TRPM3: variants seen among roughly 807,000 people sequenced by gnomAD.
TRPM3 encodes the protein transient receptor potential cation channel subfamily M member 3.
A neutral mutation model predicts 181.2 loss-of-function variants in TRPM3; 77 were observed. The ratio of observed to expected loss-of-function variants is 0.42; its 90% CI spans 0.35 to 0.51. The LOEUF is 0.51. Ranked by LOEUF, TRPM3 falls within the 20% of genes least tolerant of loss-of-function variation. TRPM3 has a pLI of 0.01. For synonymous variants in TRPM3, 745 were observed against 796.4 expected, an observed-to-expected ratio of 0.94 and a Z score of 1.09; for missense variants, 1,759 against 2,196.7, an observed-to-expected ratio of 0.80 and a Z score of 3.98.
At chr9:70,845,237 A>T (rs988487169) in intron 4 of TRPM3, among the ~76,000 whole-genome samples, 2 of 152,090 alleles carry the variant, frequency 1.3e-5, no homozygotes, top group Non-Finnish European at 2.9e-5. Context: ...CATTAAGATA[A>T]CGTGTTATTT....
In TRPM3 at chr9:70,806,817, T is replaced by A. The variant is rs141552052; in HGVS notation, c.973+21030A>T. On this transcript the variant is annotated intron_variant, in intron 6 of 25. Coordinates refer to ENST00000677713, the MANE Select transcript of TRPM3 (RefSeq NM_001366145.2). ...TAGTCATTTCCCAAGACTATATGAA[T>A]GATTCTTCAGTTTTACATCCATTAG... Among the ~76,000 whole-genome samples, 1,116 of 152,348 alleles carry A rather than the reference T, an allele frequency of 7.3e-3. 7 individuals carry two copies. The highest frequency in any genetic ancestry group is 0.012 in the Non-Finnish European group (788 of 68,024).
chr9:70,844,365 G>T (rs1052966308), intron 4 of TRPM3, among the ~76,000 whole-genome samples: 7 of 152,168 alleles, frequency 4.6e-5, no homozygotes, highest in Non-Finnish European at 7.3e-5. Context: ...ATTCAACAGT[G>T]TTGGAAAGAA....
At chr9:70,559,623 C>A (rs61345600) in intron 22 of TRPM3, among the ~76,000 whole-genome samples, 1,605 of 152,226 alleles carry the variant, frequency 0.011, 31 homozygotes, top group African/African-American at 0.036. Context: ...CCTTGGAAAC[C>A]TTCTCAAGAC....
chr9:70,777,566 A>G (rs2081597659), intron 7 of TRPM3, among the ~76,000 whole-genome samples: 1 of 152,124 alleles, frequency 6.6e-6, no homozygotes, highest in African/African-American at 2.4e-5. Flanking sequence ...AGGTGGCAAT[A>G]TATCTATGTC....
At chr9:71,237,791 C>G (rs953874208) in intron 1 of TRPM3, among the ~76,000 whole-genome samples, 66 of 152,258 alleles carry the variant, frequency 4.3e-4, no homozygotes, top group African/African-American at 1.5e-3. Context: ...TGTCCAAGAT[C>G]GAGGCACTGG....
intron 7 of TRPM3, among the ~76,000 whole-genome samples, chr9:70,773,889 A>G (rs1588143517): frequency 6.6e-6 from 1 of 152,166 alleles, no homozygotes; most frequent in East Asian, 1.9e-4. Flanking sequence ...TCGATGCACT[A>G]CGTGATGATT....
intron 1 of TRPM3, among the ~76,000 whole-genome samples, chr9:71,135,231 CCTCTTTATTTAGCTTT>C (rs1282020757): frequency 6.6e-6 from 1 of 152,144 alleles, no homozygotes; most frequent in Non-Finnish European, 1.5e-5. Flanking sequence ...GCTCCCTATT[CCTCTTTATTTAGCTTT>C]CTCTTTATAC....
At position 70,738,401 on chromosome 9, in the gene TRPM3, TA is replaced by T. The variant is rs1008371431; in HGVS notation, c.1272+23199del. On this transcript the variant is annotated intron_variant, in intron 8 of 25. Transcript: ENST00000677713. ...TACCCTAAAACTTAAAGTATAATAATAAAAAAAAATCAAGATGGAAATGTAA... is the reference window on the plus strand; with the variant it reads ...TACCCTAAAACTTAAAGTATAATAATAAAAAAAATCAAGATGGAAATGTAA... Among the ~76,000 whole-genome samples the T allele has an allele frequency of 3.0e-3, 453 of 150,824 alleles. 3 individuals carry two copies. Among genetic ancestry groups the T allele is most frequent in the African/African-American group, 9.9e-3 (408 of 41,216 alleles).
upstream of TRPM3, among the ~76,000 whole-genome samples, chr9:71,124,720 A>T (rs1434240426): frequency 6.6e-6 from 1 of 152,152 alleles, no homozygotes; most frequent in Non-Finnish European, 1.5e-5. Flanking sequence ...CCTTCTCTTC[A>T]AAAGTCATAG....
In TRPM3 at chr9:70,535,320, A is replaced by C; in HGVS notation, c.*633T>G. On this transcript the variant is annotated 3_prime_UTR_variant, in exon 26 of 26. Coordinates refer to ENST00000677713, the MANE Select transcript of TRPM3 (RefSeq NM_001366145.2). ...GTGGCACCAGAAGTGAATAGATAAG[A>C]GACAGGTGAACTATGACTGTTACCT... 1 of 1,238,260 alleles carries C rather than the reference A, an allele frequency of 8.1e-7. No individual in the cohort carries two copies. Among genetic ancestry groups the C allele is most frequent in the South Asian group, 1.3e-5 (1 of 75,260 alleles). 76.7% of individuals were successfully genotyped at this position (1,238,260 alleles called of 1,614,324 possible).
intron 1 of TRPM3, among the ~76,000 whole-genome samples, chr9:71,131,153 T>C (rs1420588020): frequency 2.0e-5 from 3 of 152,234 alleles, no homozygotes; most frequent in South Asian, 4.1e-4. Context: ...CAATTCATCA[T>C]GCCTAACCAC....
At chr9:70,634,279 T>C (rs1039242135) in intron 12 of TRPM3, among the ~76,000 whole-genome samples, 18 of 152,054 alleles carry the variant, frequency 1.2e-4, no homozygotes, top group African/African-American at 4.1e-4. Context: ...CAAGCTAATT[T>C]TTGTATTTTT....
intron 8 of TRPM3, among the ~76,000 whole-genome samples, chr9:70,752,841 G>A (rs1193245681): frequency 2.0e-5 from 3 of 152,098 alleles, no homozygotes; most frequent in Admixed American, 6.5e-5. Context: ...TGGGAGTGGT[G>A]GCTCATGCCT....
At chr9:71,173,795 A>T (rs746447754) in intron 1 of TRPM3, among the ~76,000 whole-genome samples, 4 of 152,228 alleles carry the variant, frequency 2.6e-5, no homozygotes, top group Non-Finnish European at 5.9e-5. Flanking sequence ...TTGTTTTTAG[A>T]TTTATTACCT....
intron 1 of TRPM3, among the ~76,000 whole-genome samples, chr9:70,889,859 A>G (rs780585326): frequency 2.0e-5 from 3 of 151,004 alleles, no homozygotes; most frequent in Non-Finnish European, 4.4e-5. Context: ...GTATAGTAAA[A>G]AGTGTATATA....
chr9:70,681,729 G>A, intron 8 of TRPM3, 151 bp from the exon 9 acceptor site: 1 of 676,196 alleles, frequency 1.5e-6, no homozygotes, highest in Non-Finnish European at 2.6e-6. Flanking sequence ...AATCCGATGA[G>A]AGAGCTCTGC....
intron 1 of TRPM3, among the ~76,000 whole-genome samples, chr9:71,068,294 T>C (rs999684206): frequency 6.6e-6 from 1 of 152,216 alleles, no homozygotes; most frequent in East Asian, 1.9e-4. Flanking sequence ...ACAGAACTTA[T>C]TTATATGCTA....
rs1249323023 is a variant in TRPM3, at chr9:71,262,082, A to C, written c.183+184571T>G. On this transcript the variant is annotated intron_variant, in intron 1 of 24. Transcript: ENST00000357533. ...CAGAGCCAGCAGGCTGGAACGTTTA[A>C]GTCTGCTGAAGCTGCGCCCACAGCT... 5.3e-5 allele frequency among the ~76,000 whole-genome samples: 8 copies of C among 152,342 alleles called. No individual in the cohort carries two copies. In the East Asian group the frequency reaches 1.5e-3, roughly 29 times the overall value.
At chr9:71,101,719 T>C (rs1296703053) in intron 1 of TRPM3, among the ~76,000 whole-genome samples, 1 of 152,176 alleles carries the variant, frequency 6.6e-6, no homozygotes, top group Non-Finnish European at 1.5e-5. Flanking sequence ...TTTGTAGGCC[T>C]TCTGACCCAG....
Sources: allele counts gnomAD v4.1 joint callset (sites outside exome capture counted in the v4.1 genomes callset), GRCh38; gene constraint gnomAD v4.1.1; transcripts MANE v1.5; gene names NCBI Gene and HGNC (gene_info 2026-07-23, HGNC 2026-07-21).